HERC3: variants seen among roughly 807,000 people sequenced by gnomAD.
HERC3 encodes the protein probable E3 ubiquitin-protein ligase HERC3.
A neutral mutation model predicts 129.9 loss-of-function variants in HERC3; 58 were observed. The ratio of observed to expected loss-of-function variants is 0.45; its 90% CI spans 0.36 to 0.56. HERC3 has a LOEUF of 0.56. Ranked by LOEUF, HERC3 falls within the 20% of genes least tolerant of loss-of-function variation. The pLI is 0.00. For missense variants in HERC3, 835 were observed against 1,244.2 expected, an observed-to-expected ratio of 0.67 and a Z score of 4.95; for synonymous variants, 430 against 451.0, an observed-to-expected ratio of 0.95 and a Z score of 0.59.
At chr4:88,678,203 C>A in intron 19 of HERC3, 69 bp downstream of exon 19, 1 of 1,371,354 alleles carries the variant, frequency 7.3e-7, no homozygotes, top group Non-Finnish European at 1.0e-6. Context: ...GATTAAGCAG[C>A]AGTGATCTTA....
rs748731150 is a variant in HERC3, at chr4:88,697,494, C to T, written c.2658-6604C>T. The T allele has an allele frequency of 8.7e-6, 14 of 1,614,186 alleles. No homozygotes were observed. The South Asian group carries it at 1.4e-4, about 16-fold the overall frequency. ...CTTCTATCTTATCGCATCGCTTCTG[C>T]AGCTTTTTGAGGGCCAGGACTCGGC... On this transcript the variant is annotated intron_variant, in intron 23 of 25. Transcript: ENST00000402738.
intron 3 of HERC3, among the ~76,000 whole-genome samples, chr4:88,611,574 G>C (rs1724330142): frequency 6.6e-6 from 1 of 152,152 alleles, no homozygotes; most frequent in Non-Finnish European, 1.5e-5. Context: ...AAATATGAAG[G>C]ATTTTAAAAA....
At chr4:88,635,158 G>T (rs922326133) in intron 3 of HERC3, among the ~76,000 whole-genome samples, 6 of 152,044 alleles carry the variant, frequency 3.9e-5, no homozygotes, top group African/African-American at 1.4e-4. Flanking sequence ...TGAGATGGAT[G>T]AATTGACAAA....
chr4:88,620,440 A>G (rs1453933632), intron 3 of HERC3, among the ~76,000 whole-genome samples: 1 of 152,134 alleles, frequency 6.6e-6, no homozygotes, highest in Non-Finnish European at 1.5e-5. Context: ...AAAACCTTGG[A>G]GTCATCCCTG....
the HERC3 span, among the ~76,000 whole-genome samples, chr4:88,541,365 A>G: frequency 2.0e-5 from 3 of 152,244 alleles, no homozygotes; most frequent in African/African-American, 4.8e-5. Flanking sequence ...AAAATGGTAT[A>G]GGGATCAATT....
chr4:88,594,495 C>T (rs1237085814), intron 1 of HERC3, among the ~76,000 whole-genome samples: 1 of 152,032 alleles, frequency 6.6e-6, no homozygotes, highest in Non-Finnish European at 1.5e-5. Context: ...CCTCCGCCTC[C>T]CAGGCTCAAG....
chr4:88,680,525 A>G (rs1732656527), intron 20 of HERC3, among the ~76,000 whole-genome samples: 1 of 152,258 alleles, frequency 6.6e-6, no homozygotes, highest in Non-Finnish European at 1.5e-5. Flanking sequence ...GTTTTGTGAC[A>G]TATGGAAGGT....
chr4:88,686,783 C>G lies in HERC3; in HGVS notation c.2555C>G (p.Thr852Ser). ...TACCCCGGGGAGGATGTGGAGGAGA[C>G]TTTCTGCCTCAACTTCACGGTAAGA... ...LDYPGEDVEE[T>S]FCLNFTICRE... is the part of the protein sequence containing the mutation. Residue 852 changes from threonine to serine, a missense_variant, in exon 22 of 26, where the codon ACT becomes AGT. By Grantham distance (58) the Thr-to-Ser change is moderately conservative (BLOSUM62 1). Coordinates refer to ENST00000402738, the MANE Select transcript of HERC3 (RefSeq NM_014606.3). 2 of 1,610,870 alleles carry G rather than the reference C, an allele frequency of 1.2e-6. No homozygotes were observed. The highest frequency in any genetic ancestry group is 1.7e-6 in the Non-Finnish European group (2 of 1,177,262).
chr4:88,569,850 G>A, the HERC3 span, among the ~76,000 whole-genome samples: 1 of 152,212 alleles, frequency 6.6e-6, no homozygotes, highest in Non-Finnish European at 1.5e-5. Context: ...CTCACATAGG[G>A]CTGCACATGC....
At chr4:88,579,230 A>T in the HERC3 span, among the ~76,000 whole-genome samples, 1,902 of 98,116 alleles carry the variant, frequency 0.019, 47 homozygotes, top group African/African-American at 0.16. Flanking sequence ...AAAAAAAAAA[A>T]AAATATATAT....
intron 3 of HERC3, among the ~76,000 whole-genome samples, chr4:88,619,268 A>G (rs114124615): frequency 0.014 from 2,175 of 152,352 alleles, 56 homozygotes; most frequent in African/African-American, 0.049. Flanking sequence ...TATATAAAGT[A>G]CTAGGACACT....
the HERC3 span, among the ~76,000 whole-genome samples, chr4:88,542,021 A>C: frequency 6.6e-6 from 1 of 152,212 alleles, no homozygotes; most frequent in African/African-American, 2.4e-5. Context: ...ACACCCTAAT[A>C]TCACAATTAA....
chr4:88,689,981 G>A (rs1733907689), intron 23 of HERC3: 2 of 984,502 alleles, frequency 2.0e-6, no homozygotes, highest in African/African-American at 1.8e-5. Context: ...TATCCAAGAA[G>A]CCTCAGCTTT....
rs372875981 is a variant in HERC3, at chr4:88,707,501, C to G, written c.*541C>G. ...GGAGGAAAGGACTGCTTCAGAAACT[C>G]CCAATTCCAAAAAGCTGAGTCTGGG... On this transcript the variant is annotated 3_prime_UTR_variant, in exon 26 of 26. Coordinates refer to ENST00000402738, the MANE Select transcript of HERC3 (RefSeq NM_014606.3). 1 of 152,714 alleles carries G rather than the reference C, an allele frequency of 6.5e-6. No individual in the cohort carries two copies. Among genetic ancestry groups the G allele is most frequent in the African/African-American group, 2.4e-5 (1 of 41,454 alleles). 9.5% of individuals were successfully genotyped at this position (152,714 alleles called of 1,614,324 possible).
rs556193380 is a variant in HERC3, at chr4:88,662,627, C to T, written c.1271+72C>T. On this transcript the variant is annotated intron_variant, in intron 11 of 25. Coordinates refer to ENST00000402738, the MANE Select transcript of HERC3 (RefSeq NM_014606.3). ...AACTTTTTAGCTTAGTGTGATTTTC[C>T]GTACTTGCATATTGATACTGTGAAT... The T allele has an allele frequency of 1.5e-4, 225 of 1,465,478 alleles. No individual in the cohort carries two copies. The Middle Eastern group carries it at 1.7e-3, about 11-fold the overall frequency. 90.8% of individuals were successfully genotyped at this position (1,465,478 alleles called of 1,614,324 possible).
chr4:88,573,810 C>T, the HERC3 span, among the ~76,000 whole-genome samples: 3 of 152,310 alleles, frequency 2.0e-5, no homozygotes, highest in Non-Finnish European at 4.4e-5. Flanking sequence ...GAAAATGTCA[C>T]ATTCCTCCTC....
chr4:88,611,153 A>C (rs1724271651), intron 3 of HERC3, among the ~76,000 whole-genome samples: 1 of 152,224 alleles, frequency 6.6e-6, no homozygotes, highest in Admixed American at 6.5e-5. Context: ...TGTTAATTAT[A>C]AACTCCATAG....
chr4:88,536,452 G>A, the HERC3 span, among the ~76,000 whole-genome samples: 7 of 151,956 alleles, frequency 4.6e-5, no homozygotes, highest in African/African-American at 1.7e-4. Flanking sequence ...ACCCTACCCC[G>A]ACACATACTC....
chr4:88,602,673 T>C (rs548751331), intron 2 of HERC3, among the ~76,000 whole-genome samples: 5 of 152,010 alleles, frequency 3.3e-5, no homozygotes, highest in Non-Finnish European at 5.9e-5. Context: ...GGAGATAAGG[T>C]CTCACTGTGT....
Sources: gnomAD v4.1 joint callset for allele counts (sites outside exome capture counted in the v4.1 genomes callset) on GRCh38, gnomAD v4.1.1 for gene constraint, MANE v1.5 for transcripts, NCBI Gene and HGNC (gene_info 2026-07-23, HGNC 2026-07-21) for gene names.